The following USP20 variants were observed in gnomAD, a reference collection of about 807,000 sequenced individuals.
USP20 encodes ubiquitin carboxyl-terminal hydrolase 20.
Under a neutral mutation model 124.2 loss-of-function variants are expected in USP20, and 80 were observed. That is an observed-to-expected ratio of 0.64 (90% CI 0.54 to 0.78). USP20 has a LOEUF of 0.78. Ranked by LOEUF, USP20 falls within the 30% of genes least tolerant of loss-of-function variation. The pLI, the probability that USP20 is intolerant of heterozygous loss-of-function variation, is 0.00. For synonymous variants in USP20, 481 were observed against 512.3 expected (o/e 0.94, Z 0.83); for missense variants, 1,043 against 1,244.4 (o/e 0.84, Z 2.44).
intron 11 of USP20, 106 bp downstream of exon 11, chr9:129,868,555 T>G: frequency 6.9e-7 from 1 of 1,453,620 alleles, no homozygotes; most frequent in Non-Finnish European, 9.0e-7. Context: ...GGTTCTTCAC[T>G]AGACCCGAAT....
intron 7 of USP20, 61 bp from the exon 8 acceptor site, chr9:129,861,482 C>A: frequency 6.6e-7 from 1 of 1,522,832 alleles, no homozygotes; most frequent in Non-Finnish European, 9.1e-7. Context: ...ATGTGACTTG[C>A]AAGGTTTCCT....
chr9:129,869,312 C>T lies in USP20; in HGVS notation c.1279C>T (p.Gln427Ter), dbSNP rs2033996830. ...MAPSYVLKKA[Q>*]VLSAGSRRRK... ...CTAGTCCTGTGCTGTGTCCCCAGCC[C>T]AGGTATTGAGTGCTGGCAGCCGGAG... The change falls in exon 13 of 26, where the codon CAG (glutamine) becomes TAG (stop). Residue 427 changes from glutamine to a stop codon, truncating the protein, a stop_gained and splice_region_variant. Transcript: ENST00000372429. LOFTEE classifies it high-confidence loss of function. 6.2e-7 allele frequency: 1 copy of T among 1,613,348 alleles called. No individual in the cohort carries two copies. The highest frequency in any genetic ancestry group is 1.3e-5 in the African/African-American group (1 of 74,932).
chr9:129,860,562 G>T (rs10123409), intron 6 of USP20, among the ~76,000 whole-genome samples: 131,317 of 151,972 alleles, frequency 0.86, 57,091 homozygotes, highest in East Asian at 0.98. Context: ...ACCAGCCTGG[G>T]CAATATAAAA....
Position 129,880,153 on chromosome 9 carries a change from C to T in USP20, c.2625C>T (p.Tyr875=), listed in dbSNP as rs1382990470. 3 of 1,613,932 alleles carry T rather than the reference C, an allele frequency of 1.9e-6. No individual in the cohort carries two copies. The highest frequency in any genetic ancestry group is 1.3e-5 in the African/African-American group (1 of 75,066). ...YGQISEETWT[Y]LNSLYGGGPE... Reference sequence around the variant, plus strand: ...AGATTTCGGAGGAGACCTGGACCTACCTGAACAGCCTGTATGGAGGTGGCC... The same window carrying T: ...AGATTTCGGAGGAGACCTGGACCTATCTGAACAGCCTGTATGGAGGTGGCC... The change falls in exon 25 of 26, where the codon TAC becomes TAT. Residue 875 remains tyrosine (Y), a synonymous_variant. Coordinates refer to ENST00000372429, the MANE Select transcript of USP20 (RefSeq NM_001110303.4).
In USP20 at chr9:129,839,764, A is replaced by G. The variant is rs1352663441; in HGVS notation, c.-129+4265A>G. On this transcript the variant is annotated intron_variant, in intron 1 of 25. Transcript: ENST00000372429. This position sits in a 1 kb window ranked among gnomAD's most constrained non-coding sequence, Gnocchi z 4.5. Reference sequence around the variant, plus strand: ...TTCCTCGCTGGGAGGAGGAGGATGTAGCCAGAACCTCTGGGAAAACAATGA... The same window carrying G: ...TTCCTCGCTGGGAGGAGGAGGATGTGGCCAGAACCTCTGGGAAAACAATGA... 6.6e-6 allele frequency among the ~76,000 whole-genome samples: 1 copy of G among 151,998 alleles called. No individual in the cohort carries two copies. Among genetic ancestry groups the G allele is most frequent in the Non-Finnish European group, 1.5e-5 (1 of 67,972 alleles).
At chr9:129,836,939 C>A (rs2031884641) in intron 1 of USP20, among the ~76,000 whole-genome samples, 1 of 151,924 alleles carries the variant, frequency 6.6e-6, no homozygotes, top group African/African-American at 2.4e-5. Context: ...CATCAAGCAG[C>A]CCATCCACCA....
rs1173366476 is a variant in USP20, at chr9:129,880,241, CAGAAGATCGA to C, written c.2716_2725del (p.Lys906ProfsTer11). On this transcript the variant is annotated frameshift_variant, in exon 25 of 26. Transcript: ENST00000372429. LOFTEE classifies it high-confidence loss of function. ...GGGCCCAGAGAACCTGCACGGGGAG[CAGAAGATCGA>C]AGCCGAGACGCGGGCCGTGTGATCT... The C allele has an allele frequency of 6.2e-7, 1 of 1,611,454 alleles. No individual in the cohort carries two copies. Among genetic ancestry groups the C allele is most frequent in the Non-Finnish European group, 8.5e-7 (1 of 1,179,260 alleles).
intron 1 of USP20, among the ~76,000 whole-genome samples, chr9:129,838,714 A>G (rs1157447312): frequency 6.6e-6 from 1 of 152,196 alleles, no homozygotes; most frequent in Non-Finnish European, 1.5e-5. Context: ...TAGTTTCCGC[A>G]TCTCTAATGT....
chr9:129,855,482 T>C (rs184383640), intron 3 of USP20, among the ~76,000 whole-genome samples: 39 of 150,320 alleles, frequency 2.6e-4, no homozygotes, highest in African/African-American at 9.5e-4. Context: ...AGACCACAGG[T>C]AGGTAGGACT....
chr9:129,848,164 C>T (rs144871919), intron 1 of USP20, among the ~76,000 whole-genome samples: 2,024 of 152,234 alleles, frequency 0.013, 36 homozygotes, highest in South Asian at 0.061. Flanking sequence ...GGCATGGTGG[C>T]GCATGCCTGG....
Position 129,868,356 on chromosome 9 carries a change from G to A in USP20, c.1042G>A (p.Ala348Thr), listed in dbSNP as rs1410682987. 2 of 1,608,482 alleles carry A rather than the reference G, an allele frequency of 1.2e-6. No homozygotes were observed. Among genetic ancestry groups the A allele is most frequent in the South Asian group, 1.1e-5 (1 of 90,762 alleles). ...AAACTCGGAGCAAGTGGACGAGGACGCTGATGTGGACACTGCCATGGCTGC... is the reference window on the plus strand; with the variant it reads ...AAACTCGGAGCAAGTGGACGAGGACACTGATGTGGACACTGCCATGGCTGC... ...RTNSEQVDEDADVDTAMAALD... is the reference protein window; with the variant it reads ...RTNSEQVDEDTDVDTAMAALD... Residue 348 changes from alanine (A) to threonine (T), a missense_variant, in exon 11 of 26, where the codon GCT becomes ACT. Coordinates refer to ENST00000372429, the MANE Select transcript of USP20 (RefSeq NM_001110303.4).
rs2034641764 is a variant in USP20, at chr9:129,881,661, G to A, written c.*1211G>A. 1 of 152,478 alleles carries A rather than the reference G, an allele frequency of 6.6e-6. No homozygotes were observed. The highest frequency in any genetic ancestry group is 2.1e-4 in the South Asian group (1 of 4,834). The allele number at this position is 152,478 out of a possible 1,614,324, so 9.4% of individuals were successfully genotyped here. On this transcript the variant is annotated 3_prime_UTR_variant, in exon 26 of 26. Transcript: ENST00000372429. Reference sequence around the variant, plus strand: ...CCTGCTCCCTCCCTGCTGAGCCTGGGGTTCCCCTGGCATTGGCCCCAGCCT... The same window carrying A: ...CCTGCTCCCTCCCTGCTGAGCCTGGAGTTCCCCTGGCATTGGCCCCAGCCT...
chr9:129,837,304 T>A (rs192935667), intron 1 of USP20, among the ~76,000 whole-genome samples: 12 of 152,140 alleles, frequency 7.9e-5, no homozygotes, highest in African/African-American at 1.9e-4. Flanking sequence ...GTCTTAGTCT[T>A]GTTTGGGAGT....
At position 129,870,565 on chromosome 9, in the gene USP20, C is replaced by T. The variant is rs367696293; in HGVS notation, c.1660+18C>T. On this transcript the variant is annotated intron_variant, in intron 15 of 25. Transcript: ENST00000372429. ...GTTAAAGGGTGAGGGGCCTGGCTGG[C>T]AAGGGTCGGGGAGGTGGAGGGTTGT... The T allele has an allele frequency of 4.3e-6, 7 of 1,613,502 alleles. No individual in the cohort carries two copies. Among genetic ancestry groups the T allele is most frequent in the Non-Finnish European group, 5.9e-6 (7 of 1,179,676 alleles).
chr9:129,859,255 A>ATTTTATTTTATTTTTTTTTATTTTAT lies in USP20; in HGVS notation c.330+660_330+661insTATTTTATTTTTTTTTATTTTATTTT. Among the ~76,000 whole-genome samples, 2 of 69,392 alleles carry ATTTTATTTTATTTTTTTTTATTTTAT rather than the reference A, an allele frequency of 2.9e-5. 1 individual carries two copies. The highest frequency in any genetic ancestry group is 1.0e-3 in the East Asian group (2 of 2,002). The allele number at this position is 69,392 out of a possible 152,430, so 45.5% of individuals were successfully genotyped here. On this transcript the variant is annotated intron_variant, in intron 6 of 25. Coordinates refer to ENST00000372429, the MANE Select transcript of USP20 (RefSeq NM_001110303.4). ...CAGCATCTGCATGGCTCTCTCCTCC[A>ATTTTATTTTATTTTTTTTTATTTTAT]TTTATTTTATTTTATTTTATTTTAT...
chr9:129,875,641 G>A lies in USP20; in HGVS notation c.2300G>A (p.Arg767Lys). The change falls in exon 21 of 26, where the codon AGA becomes AAA. Residue 767 changes from arginine to lysine, a missense_variant and splice_region_variant. By Grantham distance (26) the Arg-to-Lys change is conservative (BLOSUM62 2). Transcript: ENST00000372429. Reference sequence around the variant, plus strand: ...AACGTCTGGGAGCACCTGTACAACAGGTGAGAGCCTGGGAGGCCAACTTGT... The same window carrying A: ...AACGTCTGGGAGCACCTGTACAACAAGTGAGAGCCTGGGAGGCCAACTTGT... ...PQNVWEHLYN[R>K]FGGGPAVNHL... is the part of the protein sequence containing the mutation. The A allele has an allele frequency of 1.2e-6, 2 of 1,613,922 alleles. No homozygotes were observed. The highest frequency in any genetic ancestry group is 1.7e-6 in the Non-Finnish European group (2 of 1,179,968).
Position 129,876,236 on chromosome 9 carries a change from A to C in USP20, c.2407A>C (p.Lys803Gln). ...GAGGATCGAGATCGACACCTTCATC[A>C]AGGTGCGTGCGGCGAGGCGGCGCGG... Reference protein sequence around the residue: ...RRRIEIDTFIKLNKAFQAEES... With the variant: ...RRRIEIDTFIQLNKAFQAEES... Residue 803 changes from lysine to glutamine, a missense_variant and splice_region_variant, in exon 22 of 26, where the codon AAG (lysine) becomes CAG (glutamine). By Grantham distance (53) the Lys-to-Gln change is moderately conservative. Coordinates refer to ENST00000372429, the MANE Select transcript of USP20 (RefSeq NM_001110303.4). The C allele has an allele frequency of 6.2e-7, 1 of 1,611,084 alleles. No individual in the cohort carries two copies.
chr9:129,861,975 T>C (rs2033571948), intron 8 of USP20, among the ~76,000 whole-genome samples: 1 of 151,666 alleles, frequency 6.6e-6, no homozygotes. Flanking sequence ...ATCTGGTGAG[T>C]GGGGGAAAAA....
chr9:129,869,121 AC>A, intron 12 of USP20, 119 bp downstream of exon 12: 1 of 1,415,494 alleles, frequency 7.1e-7, no homozygotes, highest in East Asian at 2.4e-5. Context: ...TCTCAGGTAC[AC>A]CCCTGAGACA....
Sources: gnomAD v4.1 joint callset for allele counts (sites outside exome capture counted in the v4.1 genomes callset) on GRCh38, gnomAD v4.1.1 for gene constraint, Gnocchi (gnomAD v3.1) non-coding constraint, MANE v1.5 for transcripts, NCBI Gene and HGNC (gene_info 2026-07-23, HGNC 2026-07-21) for gene names.